The following TRIO variants were observed in gnomAD, a reference collection of about 807,000 sequenced individuals.
TRIO encodes trio Rho guanine nucleotide exchange factor.
A neutral mutation model predicts 351.9 loss-of-function variants in TRIO; 58 were observed. That is an observed-to-expected ratio of 0.16 (90% CI 0.13 to 0.21). The LOEUF is 0.21. Ranked by LOEUF, TRIO falls within the 10% of genes least tolerant of loss-of-function variation. TRIO has a pLI of 1.00. For synonymous variants in TRIO, 1,758 were observed against 1,595.7 expected (o/e 1.10, Z -2.42); for missense variants, 3,201 against 4,027.8 (o/e 0.79, Z 5.56).
chr5:14,505,852 A>G (rs1330096897), intron 55 of TRIO, among the ~76,000 whole-genome samples: 1 of 152,156 alleles, frequency 6.6e-6, no homozygotes, highest in Non-Finnish European at 1.5e-5. Flanking sequence ...AACACATCTC[A>G]TGGCAGAAGG....
chr5:14,155,821 ATTAG>A (rs1489833761), intron 1 of TRIO, among the ~76,000 whole-genome samples: 1 of 152,288 alleles, frequency 6.6e-6, no homozygotes, highest in African/African-American at 2.4e-5. Flanking sequence ...TCCCTTTGTC[ATTAG>A]TTAGCATTTT....
chr5:14,233,348 G>T (rs547640126), intron 1 of TRIO, among the ~76,000 whole-genome samples: 1 of 141,892 alleles, frequency 7.0e-6, no homozygotes, highest in South Asian at 2.2e-4. Context: ...AAATTAGCCC[G>T]GTGTGGTGGT....
intron 27 of TRIO, among the ~76,000 whole-genome samples, chr5:14,391,654 A>G (rs976633041): frequency 6.6e-6 from 1 of 152,242 alleles, no homozygotes; most frequent in South Asian, 2.1e-4. Context: ...ATATGTGCCA[A>G]TACATTTTGA....
At chr5:14,274,123 A>C (rs982670078) in intron 2 of TRIO, among the ~76,000 whole-genome samples, 1 of 152,194 alleles carries the variant, frequency 6.6e-6, no homozygotes. Context: ...ATATCCCCCC[A>C]AAAAACCCGA....
chr5:14,432,322 A>G (rs1173763998), intron 34 of TRIO, among the ~76,000 whole-genome samples: 1 of 152,242 alleles, frequency 6.6e-6, no homozygotes, highest in Non-Finnish European at 1.5e-5. Context: ...CACTGTACAT[A>G]CTGCTGTCTG....
intron 8 of TRIO, among the ~76,000 whole-genome samples, chr5:14,306,626 C>T (rs1738397738): frequency 6.6e-6 from 1 of 152,210 alleles, no homozygotes. Context: ...CATGCCCTTG[C>T]CCTTGCCAAA....
At chr5:14,265,877 A>G (rs1416310763) in intron 1 of TRIO, among the ~76,000 whole-genome samples, 1 of 152,196 alleles carries the variant, frequency 6.6e-6, no homozygotes, top group Non-Finnish European at 1.5e-5. Flanking sequence ...CCATCTTATG[A>G]ATATAAATCA....
intron 3 of TRIO, among the ~76,000 whole-genome samples, chr5:14,285,809 T>A (rs1736393500): frequency 6.6e-6 from 1 of 152,084 alleles, no homozygotes; most frequent in Admixed American, 6.5e-5. Flanking sequence ...AAAAAAGACC[T>A]TGTAGGCAGT....
chr5:14,373,680 G>A (rs1561407892), intron 18 of TRIO, among the ~76,000 whole-genome samples: 1 of 152,204 alleles, frequency 6.6e-6, no homozygotes, highest in Non-Finnish European at 1.5e-5. Context: ...ACCAGGGTTG[G>A]CAAGTTCTGA....
intron 7 of TRIO, among the ~76,000 whole-genome samples, chr5:14,302,275 A>C (rs1410729814): frequency 6.6e-6 from 1 of 152,212 alleles, no homozygotes; most frequent in East Asian, 1.9e-4. Flanking sequence ...GTTCTGTCAG[A>C]AGCGTTTTGA....
chr5:14,396,850 G>T (rs960830696), intron 28 of TRIO, among the ~76,000 whole-genome samples, 193 bp from the exon 29 acceptor site: 3 of 152,110 alleles, frequency 2.0e-5, no homozygotes, highest in African/African-American at 7.2e-5. Context: ...GGCTTACTCT[G>T]ATTAGAACAG....
chr5:14,299,425 T>G (rs1426923453), intron 7 of TRIO, among the ~76,000 whole-genome samples: 2 of 152,082 alleles, frequency 1.3e-5, no homozygotes, highest in Non-Finnish European at 2.9e-5. Context: ...TTCCAGACCT[T>G]AACGAAGCAA....
rs1313293659 is a variant in TRIO, at chr5:14,496,297, G to T, written c.7881-582G>T. On this transcript the variant is annotated intron_variant, in intron 49 of 56. Transcript: ENST00000344204. ...GACCTCTAAAAGGTATGCCTGTCTA[G>T]AAGTGGATTTATGATGAGAAATTGC... Among the ~76,000 whole-genome samples, 5 of 152,228 alleles carry T rather than the reference G, an allele frequency of 3.3e-5. No homozygotes were observed. In the East Asian group the frequency reaches 7.7e-4, roughly 23 times the overall value.
intron 11 of TRIO, among the ~76,000 whole-genome samples, chr5:14,348,679 G>A (rs1156799273): frequency 7.6e-5 from 11 of 144,520 alleles, no homozygotes; most frequent in Admixed American, 4.0e-4. Flanking sequence ...GTGTGTGTAC[G>A]CACATGAGCA....
intron 41 of TRIO, chr5:14,477,167 G>A (rs987713152): frequency 2.1e-5 from 11 of 532,018 alleles, no homozygotes; most frequent in African/African-American, 1.7e-4. Flanking sequence ...GGCTGAAGCT[G>A]GCTATTTGGC....
intron 1 of TRIO, among the ~76,000 whole-genome samples, chr5:14,164,656 A>G (rs1036735697): frequency 6.6e-6 from 1 of 152,188 alleles, no homozygotes; most frequent in Non-Finnish European, 1.5e-5. Flanking sequence ...GTTCTCCATG[A>G]TCTTATTTCT....
intron 7 of TRIO, among the ~76,000 whole-genome samples, chr5:14,300,775 A>T (rs1016785528): frequency 6.6e-6 from 1 of 152,194 alleles, no homozygotes; most frequent in Non-Finnish European, 1.5e-5. Context: ...GTCTATGGCT[A>T]GGTCTTTCAG....
In TRIO at chr5:14,487,850, C is replaced by G. The variant is rs868112751; in HGVS notation, c.7222C>G (p.Pro2408Ala). The G allele has an allele frequency of 9.2e-6, 14 of 1,527,366 alleles. No individual in the cohort carries two copies. The highest frequency in any genetic ancestry group is 1.2e-5 in the Non-Finnish European group (14 of 1,136,912). 94.6% of individuals were successfully genotyped at this position (1,527,366 alleles called of 1,614,324 possible). A position where few individuals can be genotyped will look rare whatever the true frequency, so the allele number is the denominator to read the frequency against. The change falls in exon 48 of 57, where the codon CCG becomes GCG. Residue 2408 changes from proline to alanine, a missense_variant. Physicochemically the swap from Pro to Ala is conservative, Grantham distance 27 (BLOSUM62 -1). This residue lies in a region of TRIO where 1,089 missense variants were observed against 954.9 expected (regional missense o/e 1.14). Transcript: ENST00000344204. ...DAEGSEREAE[P>A]IPKMKVLESP... ...CGAGGGGTCCGAGCGAGAAGCGGAG[C>G]CGATCCCCAAGATGAAGGTGCTGGA... is the stretch of plus-strand genomic sequence containing the variant.
At chr5:14,462,949 AAT>A (rs1753941720) in intron 36 of TRIO, 24 bp downstream of exon 36, 6 of 1,536,896 alleles carry the variant, frequency 3.9e-6, no homozygotes, top group Non-Finnish European at 5.2e-6. Flanking sequence ...AGGGCTGGGG[AAT>A]CCATGCCTGC....
Sources: gnomAD v4.1 joint callset for allele counts (sites outside exome capture counted in the v4.1 genomes callset) on GRCh38, gnomAD v4.1.1 for gene constraint, gnomAD v4.1.1 regional missense constraint, MANE v1.5 for transcripts, NCBI Gene and HGNC (gene_info 2026-07-23, HGNC 2026-07-21) for gene names.